MDGA2: variants seen among roughly 807,000 people sequenced by gnomAD.
MDGA2 encodes the protein MAM domain-containing glycosylphosphatidylinositol anchor protein 2.
In MDGA2, 40 loss-of-function variants were observed where a neutral mutation model predicts 117.8. The observed-to-expected ratio is 0.34, with a 90% confidence interval of 0.26 to 0.44. The LOEUF (loss-of-function observed/expected upper bound fraction) is 0.44. MDGA2 is among the 20% of genes least tolerant of loss of function. MDGA2 has a pLI of 1.00. For missense variants in MDGA2, 1,123 were observed against 1,250.6 expected (o/e 0.90, Z 1.54); for synonymous variants, 452 against 439.0 (o/e 1.03, Z -0.37).
At chr14:47,263,652 C>T (rs1181465527) in intron 2 of MDGA2, among the ~76,000 whole-genome samples, 1 of 152,102 alleles carries the variant, frequency 6.6e-6, no homozygotes, top group Non-Finnish European at 1.5e-5. Context: ...CTTAGGCCAA[C>T]TCTCAGGCTT....
At chr14:47,501,686 A>C (rs1344861373) in intron 1 of MDGA2, among the ~76,000 whole-genome samples, 1 of 152,170 alleles carries the variant, frequency 6.6e-6, no homozygotes, top group Non-Finnish European at 1.5e-5. Context: ...ATCTGGATAC[A>C]AAGATTGACA....
intron 1 of MDGA2, among the ~76,000 whole-genome samples, chr14:47,548,857 T>C (rs963671740): frequency 6.6e-6 from 1 of 152,124 alleles, no homozygotes; most frequent in Non-Finnish European, 1.5e-5. Context: ...TCCTTTAAAG[T>C]TGTAGTCAGT....
chr14:47,465,558 G>A (rs1343132427), intron 1 of MDGA2, among the ~76,000 whole-genome samples: 1 of 152,000 alleles, frequency 6.6e-6, no homozygotes, highest in Non-Finnish European at 1.5e-5. Flanking sequence ...ACATACATGT[G>A]GCCAAGAAGC....
intron 2 of MDGA2, among the ~76,000 whole-genome samples, chr14:47,293,753 T>C (rs950116261): frequency 2.0e-5 from 3 of 152,144 alleles, no homozygotes; most frequent in Admixed American, 6.5e-5. Context: ...TCTGAGAGAA[T>C]AGTAGATAGG....
chr14:47,517,841 T>C (rs773499958), intron 1 of MDGA2, among the ~76,000 whole-genome samples: 1 of 152,190 alleles, frequency 6.6e-6, no homozygotes, highest in Non-Finnish European at 1.5e-5. Context: ...TTTTTTCAAC[T>C]AGAAAGCTGA....
In MDGA2 at chr14:47,243,022, C is replaced by T. The variant is rs1439882754; in HGVS notation, c.421-24827G>A. The stretch of plus-strand genomic sequence containing the variant: ...GAGTGCACCAGTCGACACTCTGTAT[C>T]TAGCTGCTCTGGTGAGGACGTGCAG... On this transcript the variant is annotated intron_variant, in intron 2 of 16. Transcript: ENST00000399232. Among the ~76,000 whole-genome samples, 3 of 151,912 alleles carry T rather than the reference C, an allele frequency of 2.0e-5. No homozygotes were observed. In the East Asian group the frequency reaches 5.8e-4, roughly 29 times the overall value.
chr14:47,370,807 A>G (rs914734218), intron 1 of MDGA2, among the ~76,000 whole-genome samples: 2 of 151,630 alleles, frequency 1.3e-5, no homozygotes, highest in Non-Finnish European at 3.0e-5. Context: ...CAAACTTCAA[A>G]TAATACATCC....
At chr14:47,287,512 C>A (rs12435967) in intron 2 of MDGA2, among the ~76,000 whole-genome samples, 13,834 of 152,084 alleles carry the variant, frequency 0.091, 780 homozygotes, top group Non-Finnish European at 0.11. Context: ...AAGTTAATTA[C>A]TATATCCATA....
intron 1 of MDGA2, among the ~76,000 whole-genome samples, chr14:47,644,942 T>C (rs1210958258): frequency 2.6e-5 from 4 of 152,058 alleles, no homozygotes; most frequent in African/African-American, 9.7e-5. Context: ...TGCTACCATG[T>C]TGGTTTTGGA....
At chr14:47,446,829 T>C (rs1040648319) in intron 1 of MDGA2, among the ~76,000 whole-genome samples, 3 of 152,102 alleles carry the variant, frequency 2.0e-5, no homozygotes, top group African/African-American at 4.8e-5. Context: ...ACCCACTTTC[T>C]AAAGTCAAAT....
intron 1 of MDGA2, among the ~76,000 whole-genome samples, chr14:47,542,953 T>C (rs548905180): frequency 6.6e-6 from 1 of 152,336 alleles, no homozygotes; most frequent in Admixed American, 6.5e-5. Flanking sequence ...CTCACACCTG[T>C]AGTTCCAACA....
intron 3 of MDGA2, among the ~76,000 whole-genome samples, chr14:47,212,136 A>G (rs908272651): frequency 6.6e-6 from 1 of 152,138 alleles, no homozygotes; most frequent in Non-Finnish European, 1.5e-5. Flanking sequence ...GTTTTATTCT[A>G]AAAAGTTTAG....
chr14:47,619,322 G>A (rs1029538920), intron 1 of MDGA2, among the ~76,000 whole-genome samples: 10 of 152,042 alleles, frequency 6.6e-5, no homozygotes, highest in Non-Finnish European at 1.0e-4. Flanking sequence ...ACTCTTTATG[G>A]TACAGTAGTT....
chr14:47,217,168 G>A (rs980544709), intron 3 of MDGA2, among the ~76,000 whole-genome samples: 1 of 151,942 alleles, frequency 6.6e-6, no homozygotes, highest in African/African-American at 2.4e-5. Context: ...GAAAAGAAAG[G>A]GGAAAGAAAG....
rs192653459 is a variant in MDGA2, at chr14:46,912,909, A to C, written c.2238+7103T>G. Among the ~76,000 whole-genome samples the C allele has an allele frequency of 1.1e-4, 16 of 152,298 alleles. No homozygotes were observed. In the East Asian group the frequency reaches 2.3e-3, roughly 22 times the overall value. On this transcript the variant is annotated intron_variant, in intron 10 of 16. Transcript: ENST00000399232. Reference sequence around the variant, plus strand: ...ATATGCAATGTCCTTCATTTGGAAGATGAAGATAAACTTCACTTTTTACAA... The same window carrying C: ...ATATGCAATGTCCTTCATTTGGAAGCTGAAGATAAACTTCACTTTTTACAA...
chr14:47,427,432 C>A (rs1222538683), intron 1 of MDGA2, among the ~76,000 whole-genome samples: 1 of 152,100 alleles, frequency 6.6e-6, no homozygotes, highest in Admixed American at 6.6e-5. Context: ...CAACACTATT[C>A]TAAATATTCA....
intron 2 of MDGA2, among the ~76,000 whole-genome samples, chr14:47,277,258 T>C (rs1566716117): frequency 6.6e-6 from 1 of 152,204 alleles, no homozygotes; most frequent in Non-Finnish European, 1.5e-5. Context: ...AGAAACTGTT[T>C]CCAGGAAACC....
chr14:47,175,075 T>TAC (rs1884373346), intron 3 of MDGA2, among the ~76,000 whole-genome samples: 1 of 151,680 alleles, frequency 6.6e-6, no homozygotes, highest in Non-Finnish European at 1.5e-5. Context: ...CCTCGACACA[T>TAC]ACACCCACCC....
At chr14:47,519,137 G>A (rs991665773) in intron 1 of MDGA2, among the ~76,000 whole-genome samples, 2 of 150,104 alleles carry the variant, frequency 1.3e-5, no homozygotes, top group Non-Finnish European at 3.0e-5. Flanking sequence ...CCCGGGAGGC[G>A]GAGGTTGCAG....
Sources: allele counts gnomAD v4.1 joint callset (sites outside exome capture counted in the v4.1 genomes callset), GRCh38; gene constraint gnomAD v4.1.1; transcripts MANE v1.5; gene names NCBI Gene and HGNC (gene_info 2026-07-23, HGNC 2026-07-21).